The following ZZEF1 variants were observed in gnomAD, a reference collection of about 807,000 sequenced individuals.
ZZEF1 encodes zinc finger ZZ-type and EF-hand domain-containing protein 1.
In ZZEF1, 157 loss-of-function variants were observed where a neutral mutation model predicts 342.8. The ratio of observed to expected loss-of-function variants is 0.46; its 90% CI spans 0.40 to 0.52. ZZEF1 has a LOEUF of 0.52. Among genes scored for constraint, ZZEF1 ranks in the 20% least tolerant of loss-of-function variants. The pLI is 0.00. For missense variants in ZZEF1, 3,480 were observed against 3,725.6 expected (o/e 0.93, Z 1.72); for synonymous variants, 1,505 against 1,429.1 (o/e 1.05, Z -1.20).
intron 5 of ZZEF1, 98 bp from the exon 6 acceptor site, chr17:4,109,961 A>G: frequency 2.6e-6 from 3 of 1,133,136 alleles, no homozygotes; most frequent in Non-Finnish European, 3.8e-6. Flanking sequence ...CATTTTGAAA[A>G]GAAAATTCTG....
At chr17:4,015,054 C>A (rs1225604901) in intron 49 of ZZEF1, among the ~76,000 whole-genome samples, 1 of 152,176 alleles carries the variant, frequency 6.6e-6, no homozygotes. Flanking sequence ...AGGGAAAACC[C>A]TGGAAAGCTT....
intron 11 of ZZEF1, among the ~76,000 whole-genome samples, chr17:4,092,604 C>T (rs1052867664): frequency 2.6e-5 from 4 of 152,070 alleles, no homozygotes; most frequent in South Asian, 2.1e-4. Flanking sequence ...CCACTGTGCC[C>T]GGCAAAATGT....
intron 13 of ZZEF1, 75 bp from the exon 14 acceptor site, chr17:4,087,609 T>A: frequency 7.7e-7 from 1 of 1,294,740 alleles, no homozygotes; most frequent in Non-Finnish European, 1.1e-6. Flanking sequence ...CCTCATTTAC[T>A]TCTAATTGTA....
intron 41 of ZZEF1, 24 bp downstream of exon 41, chr17:4,032,804 C>T (rs1393865237): frequency 6.2e-7 from 1 of 1,611,180 alleles, no homozygotes; most frequent in African/African-American, 1.3e-5. Flanking sequence ...GTGACCAGGC[C>T]CTCAGGCCTT....
intron 38 of ZZEF1, among the ~76,000 whole-genome samples, chr17:4,043,946 T>C (rs146090556): frequency 6.6e-6 from 1 of 152,364 alleles, no homozygotes; most frequent in African/African-American, 2.4e-5. Context: ...CACATGTCTA[T>C]CTGTCTGATT....
rs535049720 is a variant in ZZEF1, at chr17:4,030,891, T to C, written c.6892+1235A>G. Among the ~76,000 whole-genome samples the C allele has an allele frequency of 5.3e-4, 81 of 152,294 alleles. 1 individual carries two copies. The highest frequency in any genetic ancestry group is 8.5e-4 in the Admixed American group (13 of 15,280). ...TTCAAAATTTTATACAAATTTAAAA[T>C]AGTCTGGCCAGATGTGGTTGCTCAT... On this transcript the variant is annotated intron_variant, in intron 42 of 54. Transcript: ENST00000381638.
At chr17:4,012,006 T>C (rs1339524687) in intron 52 of ZZEF1, among the ~76,000 whole-genome samples, 1 of 152,242 alleles carries the variant, frequency 6.6e-6, no homozygotes, top group East Asian at 1.9e-4. Context: ...TGGCAAGGCA[T>C]GCTGGGAGTT....
intron 52 of ZZEF1, 45 bp downstream of exon 52, chr17:4,013,404 G>A: frequency 6.6e-7 from 1 of 1,519,384 alleles, no homozygotes; most frequent in Non-Finnish European, 8.9e-7. Flanking sequence ...ACAGAGTGGG[G>A]ATACATATGC....
At chr17:4,083,409 A>G (rs879366005) in intron 16 of ZZEF1, among the ~76,000 whole-genome samples, 2 of 152,208 alleles carry the variant, frequency 1.3e-5, no homozygotes, top group Admixed American at 1.3e-4. Context: ...AAGGTTATGT[A>G]ACTCACAATG....
In ZZEF1 at chr17:4,088,825, G is replaced by T. The variant is rs1173302367; in HGVS notation, c.2094C>A (p.Thr698=). Residue 698 remains threonine, a synonymous_variant, in exon 13 of 55, where the codon ACC becomes ACA. Transcript: ENST00000381638. ...TTGCAGGCCGGAGGTACCCACTGAT[G>T]GTCAAGCCTTGCACTCCCAAGCGCT... ...SAERLGVQGL[T]ISGYLRPARA... 6 of 1,614,140 alleles carry T rather than the reference G, an allele frequency of 3.7e-6. No individual in the cohort carries two copies. The highest frequency in any genetic ancestry group is 4.2e-6 in the Non-Finnish European group (5 of 1,180,044).
intron 8 of ZZEF1, among the ~76,000 whole-genome samples, chr17:4,103,438 T>G (rs2058159546): frequency 6.6e-6 from 1 of 151,886 alleles, no homozygotes; most frequent in Non-Finnish European, 1.5e-5. Context: ...TCCCAGCTAC[T>G]CAGGAGGCTG....
At chr17:4,062,633 C>T in intron 30 of ZZEF1, 120 bp downstream of exon 30, 1 of 1,189,712 alleles carries the variant, frequency 8.4e-7, no homozygotes, top group Admixed American at 2.9e-5. Context: ...AATGAATTAA[C>T]CAAAAACGTA....
In ZZEF1 at chr17:4,069,725, G is replaced by C. The variant is rs528413074; in HGVS notation, c.4075+959C>G. Among the ~76,000 whole-genome samples, 89 of 152,276 alleles carry C rather than the reference G, an allele frequency of 5.8e-4. 3 individuals carry two copies. In the Middle Eastern group the frequency reaches 0.017, roughly 29 times the overall value. ...GGGTGCCTGTAATCCCAGCTACTCGGGGGGCTGAGGAAGGAGAATCGCTTG... is the reference window on the plus strand; with the variant it reads ...GGGTGCCTGTAATCCCAGCTACTCGCGGGGCTGAGGAAGGAGAATCGCTTG... On this transcript the variant is annotated intron_variant, in intron 26 of 54. Transcript: ENST00000381638.
intron 25 of ZZEF1, chr17:4,071,435 T>A (rs2057506379): frequency 6.5e-6 from 1 of 153,034 alleles, no homozygotes; most frequent in Non-Finnish European, 1.5e-5. Context: ...CATTGAGGAG[T>A]TAGACTTCAC....
intron 26 of ZZEF1, among the ~76,000 whole-genome samples, chr17:4,069,873 A>C (rs567464882): frequency 6.6e-6 from 1 of 152,274 alleles, no homozygotes; most frequent in South Asian, 2.1e-4. Context: ...ACAGTCAATT[A>C]CCCACTCTAG....
At chr17:4,087,340 TAAA>T in intron 14 of ZZEF1, 91 bp downstream of exon 14, 1 of 868,146 alleles carries the variant, frequency 1.2e-6, no homozygotes, top group Non-Finnish European at 1.7e-6. Flanking sequence ...TGGTAGGAAG[TAAA>T]AAAAAAATTA....
intron 43 of ZZEF1, 84 bp from the exon 44 acceptor site, chr17:4,022,912 CTCTT>C (rs1304425524): frequency 6.5e-7 from 1 of 1,528,484 alleles, no homozygotes; most frequent in Admixed American, 1.8e-5. Flanking sequence ...TGTTCATTCA[CTCTT>C]TCATTCATTC....
At position 4,064,523 on chromosome 17, in the gene ZZEF1, G is replaced by C. The variant is rs955320239; in HGVS notation, c.4556C>G (p.Pro1519Arg). The change falls in exon 29 of 55, where the codon CCT (proline) becomes CGT (arginine). Residue 1519 changes from proline to arginine, a missense_variant. Around this residue, in one of 5 missense-constraint regions of ZZEF1, gnomAD observed 1,528 missense variants for 1,624.1 expected, o/e 0.94. Transcript: ENST00000381638. ...SPATAEEPLS[P>R]STPTRRPPFT... ...GGGAGGCCGGCGGGTGGGTGTGGAA[G>C]GTGACAAGGGCTCTTCAGCTGTGGC... is the stretch of plus-strand genomic sequence containing the variant. 11 of 1,614,218 alleles carry C rather than the reference G, an allele frequency of 6.8e-6. No homozygotes were observed. Among genetic ancestry groups the C allele is most frequent in the Non-Finnish European group, 8.5e-6 (10 of 1,180,048 alleles).
intron 1 of ZZEF1, among the ~76,000 whole-genome samples, chr17:4,128,584 C>G (rs1412600375): frequency 2.0e-5 from 3 of 151,146 alleles, no homozygotes; most frequent in Non-Finnish European, 4.4e-5. Flanking sequence ...CTCAGCCTCC[C>G]GAGTAGCTGG....
Sources: allele counts gnomAD v4.1 joint callset (sites outside exome capture counted in the v4.1 genomes callset), GRCh38; gene constraint gnomAD v4.1.1; regional missense constraint gnomAD v4.1.1; transcripts MANE v1.5; gene names NCBI Gene and HGNC (gene_info 2026-07-23, HGNC 2026-07-21).